Variants in TMEM94 observed in about 807,000 individuals in gnomAD.
TMEM94 encodes transmembrane protein 94, also known as ER Mg2+ ATPase.
A neutral mutation model predicts 158.6 loss-of-function variants in TMEM94; 81 were observed. That is an observed-to-expected ratio of 0.51 (90% CI 0.43 to 0.61). The LOEUF (loss-of-function observed/expected upper bound fraction) is 0.61. Among genes scored for constraint, TMEM94 ranks in the 20% least tolerant of loss-of-function variants. The pLI, the probability that TMEM94 is intolerant of heterozygous loss-of-function variation, is 0.00. For missense variants in TMEM94, 1,435 were observed against 1,762.0 expected, an observed-to-expected ratio of 0.81 and a Z score of 3.32; for synonymous variants, 751 against 730.7, an observed-to-expected ratio of 1.03 and a Z score of -0.45.
intron 6 of TMEM94, 125 bp downstream of exon 6, chr17:75,488,259 T>A: frequency 1.2e-6 from 1 of 828,392 alleles, no homozygotes; most frequent in Non-Finnish European, 1.9e-6. Context: ...GCAGAGGCTC[T>A]GGAACATCTT....
In TMEM94 at chr17:75,489,503, G is replaced by C; in HGVS notation, c.868-73G>C. The C allele has an allele frequency of 1.3e-6, 2 of 1,512,478 alleles. No individual in the cohort carries two copies. The highest frequency in any genetic ancestry group is 2.2e-5 in the South Asian group (2 of 88,986). 93.7% of individuals were successfully genotyped at this position (1,512,478 alleles called of 1,614,324 possible). On this transcript the variant is annotated intron_variant, in intron 8 of 31. Transcript: ENST00000314256. The surrounding 1 kb of genome is among the most constrained non-coding windows in gnomAD (Gnocchi z 5.0). Reference sequence around the variant, plus strand: ...GTGAGCCAGCCTGTGGAGTAGCAAAGGAAGGGGAACGGCAGTGCCTGGGTC... The same window carrying C: ...GTGAGCCAGCCTGTGGAGTAGCAAACGAAGGGGAACGGCAGTGCCTGGGTC...
At chr17:75,490,810 C>T in intron 11 of TMEM94, 52 bp downstream of exon 11, 3 of 1,518,896 alleles carry the variant, frequency 2.0e-6, no homozygotes, top group Non-Finnish European at 2.7e-6. Flanking sequence ...GAGCCATAAC[C>T]CTGGGACTCC....
chr17:75,479,898 A>G (rs990043936), intron 2 of TMEM94, among the ~76,000 whole-genome samples: 1 of 152,102 alleles, frequency 6.6e-6, no homozygotes. Flanking sequence ...AACTTGGGCA[A>G]CAGGAGTGAG....
In TMEM94 at chr17:75,489,680, C is replaced by T. The variant is rs751525476; in HGVS notation, c.954+18C>T. On this transcript the variant is annotated intron_variant, in intron 9 of 31. Transcript: ENST00000314256. This position sits in a 1 kb window ranked among gnomAD's most constrained non-coding sequence, Gnocchi z 5.0. Reference sequence around the variant, plus strand: ...AGCTCCAGGCAAGGACCACCCTGTCCTCTCTGTCATGCTTCCCTCCGACCC... The same window carrying T: ...AGCTCCAGGCAAGGACCACCCTGTCTTCTCTGTCATGCTTCCCTCCGACCC... 5 of 1,601,792 alleles carry T rather than the reference C, an allele frequency of 3.1e-6. No individual in the cohort carries two copies. In the South Asian group the frequency reaches 3.3e-5, roughly 11 times the overall value.
chr17:75,484,553 G>A (rs1005730894), intron 2 of TMEM94, among the ~76,000 whole-genome samples: 2 of 151,738 alleles, frequency 1.3e-5, no homozygotes, highest in Non-Finnish European at 2.9e-5. Context: ...ACTATGCCCA[G>A]CTAATTTTTT....
At position 75,482,522 on chromosome 17, in the gene TMEM94, A is replaced by ATG. The variant is rs1320069291; in HGVS notation, c.25-2905_25-2904insGT. On this transcript the variant is annotated intron_variant, in intron 2 of 31. Coordinates refer to ENST00000314256, the MANE Select transcript of TMEM94 (RefSeq NM_014738.6). ...ACCCTGTCTCAATTTAAAAATATAT[A>ATG]TATATGTATGTATGTATGTATGTAT... Among the ~76,000 whole-genome samples the ATG allele has an allele frequency of 7.9e-5, 9 of 113,346 alleles. No homozygotes were observed. The South Asian group carries it at 1.5e-3, about 19-fold the overall frequency. The allele number at this position is 113,346 out of a possible 152,430, so 74.4% of individuals were successfully genotyped here.
chr17:75,460,714 G>A (rs933575945), intron 1 of TMEM94, among the ~76,000 whole-genome samples: 5 of 151,984 alleles, frequency 3.3e-5, no homozygotes, highest in African/African-American at 4.8e-5. Flanking sequence ...TTCTTGCCCT[G>A]TTGCCCAGGC....
Position 75,496,755 on chromosome 17 carries a change from G to A in TMEM94, c.3269G>A (p.Arg1090His), listed in dbSNP as rs759878293. Reference protein sequence around the residue: ...EQARHATYGIRKCFLFLLQCQ... With the variant: ...EQARHATYGIHKCFLFLLQCQ... ...GCTCGGCATGCCACCTATGGCATCC[G>A]TAAGTGCTTCCTCTTCCTGCTGCAG... The change falls in exon 25 of 32, where the codon CGT (arginine) becomes CAT (histidine). Residue 1090 changes from arginine (R) to histidine (H), a missense_variant. Physicochemically the swap from Arg to His is conservative, Grantham distance 29. Coordinates refer to ENST00000314256, the MANE Select transcript of TMEM94 (RefSeq NM_014738.6). The A allele has an allele frequency of 8.7e-6, 14 of 1,613,776 alleles. No homozygotes were observed. In the African/African-American group the frequency reaches 1.2e-4, roughly 14 times the overall value.
Position 75,496,808 on chromosome 17 carries a change from G to A in TMEM94, c.3321+1G>A. The A allele has an allele frequency of 6.2e-7, 1 of 1,613,432 alleles. No homozygotes were observed. Among genetic ancestry groups the A allele is most frequent in the Non-Finnish European group, 8.5e-7 (1 of 1,179,934 alleles). On this transcript the variant is annotated splice_donor_variant, in intron 25 of 31. Transcript: ENST00000314256. LOFTEE classifies it high-confidence loss of function. The stretch of plus-strand genomic sequence containing the variant: ...CCAGCTGACTCTTGTGGTCATCCAG[G>A]TGAGGTGGGGCCCGCACAGGCATTG...
At chr17:75,474,771 G>A (rs1215700666) in intron 2 of TMEM94, among the ~76,000 whole-genome samples, 1 of 152,222 alleles carries the variant, frequency 6.6e-6, no homozygotes, top group African/African-American at 2.4e-5. Context: ...CTTAGCTCAG[G>A]AGCGGTTTAG....
intron 24 of TMEM94, 77 bp from the exon 25 acceptor site, chr17:75,496,653 G>A (rs2052717597): frequency 2.0e-6 from 3 of 1,499,724 alleles, no homozygotes; most frequent in South Asian, 2.3e-5. Context: ...TCTGGCTCTT[G>A]GCTAAAGTGT....
chr17:75,496,646 G>A, intron 24 of TMEM94, 84 bp from the exon 25 acceptor site: 2 of 1,469,468 alleles, frequency 1.4e-6, no homozygotes, highest in Admixed American at 1.7e-5. Context: ...CTGGGCGTCT[G>A]GCTCTTGGCT....
intron 5 of TMEM94, 38 bp downstream of exon 5, chr17:75,486,464 A>G: frequency 6.2e-7 from 1 of 1,613,672 alleles, no homozygotes; most frequent in South Asian, 1.1e-5. Context: ...GGAAAAGATG[A>G]CCGGACATAT....
chr17:75,498,845 TGTACTG>T lies in TMEM94; in HGVS notation c.3828-65_3828-60del. The T allele has an allele frequency of 2.6e-6, 4 of 1,522,502 alleles. No individual in the cohort carries two copies. The highest frequency in any genetic ancestry group is 3.5e-6 in the Non-Finnish European group (4 of 1,134,476). 94.3% of individuals were successfully genotyped at this position (1,522,502 alleles called of 1,614,324 possible). On this transcript the variant is annotated intron_variant, in intron 30 of 31. Transcript: ENST00000314256. This position sits in a 1 kb window ranked among gnomAD's most constrained non-coding sequence, Gnocchi z 6.7. ...ACTGTACCCTGCCTGAGCTAACTGT[TGTACTG>T]GGAAGAGCAGGGAAGGAAGCAAGCA... is the stretch of plus-strand genomic sequence containing the variant.
intron 1 of TMEM94, among the ~76,000 whole-genome samples, chr17:75,469,388 C>T (rs572500193): frequency 6.0e-5 from 9 of 149,768 alleles, no homozygotes; most frequent in East Asian, 2.0e-4. Context: ...CTTTGTCGCC[C>T]GACTGGAGTG....
chr17:75,468,842 G>C (rs564875078), intron 1 of TMEM94, among the ~76,000 whole-genome samples: 40 of 152,232 alleles, frequency 2.6e-4, no homozygotes, highest in Middle Eastern at 6.8e-3. Flanking sequence ...TTTCTGCCTG[G>C]CACCCCTTGA....
chr17:75,494,436 C>T (rs944766143), intron 18 of TMEM94, among the ~76,000 whole-genome samples, 191 bp from the exon 19 acceptor site: 15 of 152,226 alleles, frequency 9.9e-5, no homozygotes, highest in African/African-American at 3.4e-4. Flanking sequence ...AGCTCAGATT[C>T]GGCTACCTGA....
At chr17:75,490,789 G>A (rs376268128) in intron 11 of TMEM94, 31 bp downstream of exon 11, 177 of 1,597,166 alleles carry the variant, frequency 1.1e-4, no homozygotes, top group Non-Finnish European at 1.4e-4. Flanking sequence ...GGCTTCTCTC[G>A]CAGGTCCCTA....
In TMEM94 at chr17:75,496,077, C is replaced by T. The variant is rs373299881; in HGVS notation, c.3053+3C>T. On this transcript the variant is annotated splice_donor_region_variant and intron_variant, in intron 23 of 31. Transcript: ENST00000314256. ...CTCTTCCTCCAGAGCGACATCAGGT[C>T]AGGGCGGGACCCTGGAGCCTGCGGG... 1 of 1,605,818 alleles carries T rather than the reference C, an allele frequency of 6.2e-7. No homozygotes were observed. The highest frequency in any genetic ancestry group is 8.5e-7 in the Non-Finnish European group (1 of 1,176,290).
Sources: allele counts gnomAD v4.1 joint callset (sites outside exome capture counted in the v4.1 genomes callset), GRCh38; gene constraint gnomAD v4.1.1; non-coding constraint Gnocchi (gnomAD v3.1); transcripts MANE v1.5; gene names NCBI Gene and HGNC (gene_info 2026-07-23, HGNC 2026-07-21).